The following REELD1 variants were observed in gnomAD, a reference collection of about 807,000 sequenced individuals.
REELD1 encodes reelin domain-containing protein 1.
In REELD1, 12 loss-of-function variants were observed where a neutral mutation model predicts 6.3. That is an observed-to-expected ratio of 1.89 (90% CI 1.21 to 3.07). The LOEUF (loss-of-function observed/expected upper bound fraction) is 3.07, where lower values mean the gene tolerates loss of function less well. Among genes scored for constraint, REELD1 ranks in the 30% most tolerant of loss-of-function variants. The pLI is 0.00. For synonymous variants in REELD1, 57 were observed against 33.6 expected, an observed-to-expected ratio of 1.70 and a Z score of -2.42; for missense variants, 163 against 86.8, an observed-to-expected ratio of 1.88 and a Z score of -3.49.
rs1323101999 is a variant in REELD1, at chr4:146,217,153, G to A, written c.201G>A (p.Lys67=). ...THRTSYAPGD[K]IPVTVRSSRD... is the part of the protein sequence containing the mutation. ...GGACTTCCTATGCACCAGGTGACAA[G>A]ATTCCAGGTATGTACCAGAGAGGCT... Residue 67 remains lysine, a synonymous_variant, in exon 3 of 8, where the codon AAG becomes AAA. Transcript: ENST00000623665. 2 of 399,516 alleles carry A rather than the reference G, an allele frequency of 5.0e-6. No individual in the cohort carries two copies. The highest frequency in any genetic ancestry group is 8.8e-6 in the Non-Finnish European group (2 of 226,642). 24.7% of individuals were successfully genotyped at this position (399,516 alleles called of 1,614,324 possible).
chr4:146,219,958 T>G (rs779123435), intron 3 of REELD1, among the ~76,000 whole-genome samples: 5 of 152,198 alleles, frequency 3.3e-5, no homozygotes, highest in Non-Finnish European at 5.9e-5. Context: ...TTGTTTGTTT[T>G]TTTAAGACAG....
In REELD1 at chr4:146,223,506, G is replaced by A. The variant is rs138105874; in HGVS notation, c.431+927G>A. On this transcript the variant is annotated intron_variant, in intron 4 of 7. Coordinates refer to ENST00000623665, the MANE Select transcript of REELD1 (RefSeq NM_001354631.1). ...CCCTTGGCTTTGGTTCTTACGCAGC[G>A]CAGAGGGTGTCTGCTTCTTGAAGTC... Among the ~76,000 whole-genome samples, 311 of 152,350 alleles carry A rather than the reference G, an allele frequency of 2.0e-3. 2 individuals are homozygous for A. The highest frequency in any genetic ancestry group is 6.6e-3 in the African/African-American group (275 of 41,574).
intron 5 of REELD1, among the ~76,000 whole-genome samples, chr4:146,227,803 A>C (rs1204875212): frequency 6.6e-6 from 1 of 152,166 alleles, no homozygotes; most frequent in African/African-American, 2.4e-5. Flanking sequence ...AGAGAAAGAA[A>C]CTTTGAGTGT....
rs184579827 is a variant in REELD1, at chr4:146,231,022, G to A, written c.*509G>A. 6.6e-6 allele frequency: 1 copy of A among 152,358 alleles called. No homozygotes were observed. Among genetic ancestry groups the A allele is most frequent in the African/African-American group, 2.4e-5 (1 of 41,584 alleles). 9.4% of individuals were successfully genotyped at this position (152,358 alleles called of 1,614,324 possible). On this transcript the variant is annotated 3_prime_UTR_variant, in exon 8 of 8. Transcript: ENST00000623665. ...TTTTCAAAACTGAATTCAACAACTTGCTAGAGTTCTGATTTGGATGACTAG... is the reference window on the plus strand; with the variant it reads ...TTTTCAAAACTGAATTCAACAACTTACTAGAGTTCTGATTTGGATGACTAG...
rs1228167376 is a variant in REELD1 at position 146,231,588 on chromosome 4, A to G, written c.*1075A>G. Among the ~76,000 whole-genome samples the G allele has an allele frequency of 1.3e-5, 2 of 152,208 alleles. No homozygotes were observed. The highest frequency in any genetic ancestry group is 4.8e-5 in the African/African-American group (2 of 41,446). On this transcript the variant is annotated 3_prime_UTR_variant, in exon 8 of 8. Coordinates refer to ENST00000623665, the MANE Select transcript of REELD1 (RefSeq NM_001354631.1). ...GAGTGAAACCTATTATAGAGTCATC[A>G]TTTTAATGCAGAAACAAAAATCACT...
At chr4:146,229,791 G>C (rs1161445081) in intron 7 of REELD1, 114 bp from the exon 8 acceptor site, 1 of 397,238 alleles carries the variant, frequency 2.5e-6, no homozygotes, top group Non-Finnish European at 4.4e-6. Flanking sequence ...AAAGAGACTG[G>C]GTTTTTAGCT....
At chr4:146,225,936 C>T (rs1731014038) in intron 5 of REELD1, among the ~76,000 whole-genome samples, 1 of 152,018 alleles carries the variant, frequency 6.6e-6, no homozygotes, top group Non-Finnish European at 1.5e-5. Context: ...CTAGTGATTC[C>T]CAAAGGAAAA....
At chr4:146,226,486 A>T (rs1411890418) in intron 5 of REELD1, among the ~76,000 whole-genome samples, 1 of 152,206 alleles carries the variant, frequency 6.6e-6, no homozygotes, top group African/African-American at 2.4e-5. Context: ...TGAAGGCACC[A>T]TCAGAATAAG....
chr4:146,219,193 A>G (rs945515822), intron 3 of REELD1, among the ~76,000 whole-genome samples: 9 of 152,142 alleles, frequency 5.9e-5, no homozygotes, highest in African/African-American at 1.9e-4. Flanking sequence ...AAAAACCACT[A>G]TGTCAGTGAG....
chr4:146,224,569 C>T lies in REELD1; in HGVS notation c.556C>T (p.Leu186Phe), dbSNP rs557752477. Reference protein sequence around the residue: ...RMEPRLLMPNLHQRLGDVEGA... With the variant: ...RMEPRLLMPNFHQRLGDVEGA... ...GGAGCCCAGATTGCTGATGCCAAAC[C>T]TTCACCAGAGGCTGGGCGATGTTGA... is the stretch of plus-strand genomic sequence containing the variant. The change falls in exon 5 of 8, where the codon CTT becomes TTT. Residue 186 changes from leucine to phenylalanine, a missense_variant. Leu to Phe is a conservative substitution (Grantham distance 22). Transcript: ENST00000623665. The T allele has an allele frequency of 5.3e-4, 370 of 702,258 alleles. 6 individuals carry two copies. In the Admixed American group the frequency reaches 7.3e-3, roughly 14 times the overall value. 43.5% of individuals were successfully genotyped at this position (702,258 alleles called of 1,614,324 possible).
intron 5 of REELD1, among the ~76,000 whole-genome samples, chr4:146,227,916 T>C (rs1040542721): frequency 6.6e-5 from 10 of 152,236 alleles, no homozygotes; most frequent in Admixed American, 3.3e-4. Flanking sequence ...GTGAAATAAA[T>C]ATGGTGGTCA....
At chr4:146,220,263 A>G (rs1730900081) in intron 3 of REELD1, among the ~76,000 whole-genome samples, 1 of 152,166 alleles carries the variant, frequency 6.6e-6, no homozygotes, top group Non-Finnish European at 1.5e-5. Flanking sequence ...GCTTGTTTTT[A>G]ATGATTTCAT....
chr4:146,224,162 T>C (rs1010094821), intron 4 of REELD1, among the ~76,000 whole-genome samples: 1 of 152,152 alleles, frequency 6.6e-6, no homozygotes, highest in Non-Finnish European at 1.5e-5. Context: ...AGATACTTTT[T>C]AGTTAAAATG....
rs555123041 is a variant in REELD1, at chr4:146,218,290, A to G, written c.208+1130A>G. Among the ~76,000 whole-genome samples, 8 of 152,106 alleles carry G rather than the reference A, an allele frequency of 5.3e-5. No individual in the cohort carries two copies. The South Asian group carries it at 1.7e-3, about 32-fold the overall frequency. On this transcript the variant is annotated intron_variant, in intron 3 of 7. Transcript: ENST00000623665. ...TCCATGCCCCGCCCCCACTCCCCAA[A>G]CTCACACACACTCTTCAGAGTCCAC...
chr4:146,223,143 T>A (rs1730954800), intron 4 of REELD1, among the ~76,000 whole-genome samples: 1 of 152,248 alleles, frequency 6.6e-6, no homozygotes, highest in Non-Finnish European at 1.5e-5. Context: ...GTTTTGTCAT[T>A]CTTTTCAGAC....
At chr4:146,215,832 C>T (rs543586640) in intron 2 of REELD1, among the ~76,000 whole-genome samples, 2 of 151,382 alleles carry the variant, frequency 1.3e-5, no homozygotes, top group South Asian at 2.1e-4. Flanking sequence ...CTCACTGCAA[C>T]CTTGGTCTCC....
intron 3 of REELD1, among the ~76,000 whole-genome samples, chr4:146,219,257 C>A (rs1292696847): frequency 6.6e-6 from 1 of 152,116 alleles, no homozygotes; most frequent in Non-Finnish European, 1.5e-5. Context: ...CTGAAGGTAT[C>A]CTGAGGGAAA....
chr4:146,231,058 G>A lies in REELD1; in HGVS notation c.*545G>A, dbSNP rs1014183496. Among the ~76,000 whole-genome samples the A allele has an allele frequency of 3.9e-5, 6 of 152,220 alleles. No individual in the cohort carries two copies. Among genetic ancestry groups the A allele is most frequent in the Non-Finnish European group, 8.8e-5 (6 of 68,040 alleles). On this transcript the variant is annotated 3_prime_UTR_variant, in exon 8 of 8. Coordinates refer to ENST00000623665, the MANE Select transcript of REELD1 (RefSeq NM_001354631.1). ...GATTTGGATGACTAGGTGAATGCAA[G>A]GGTATTTGGTCTTCTGGGCAACTCA...
chr4:146,219,715 C>T (rs1473415107), intron 3 of REELD1, among the ~76,000 whole-genome samples: 2 of 152,010 alleles, frequency 1.3e-5, no homozygotes, highest in African/African-American at 4.8e-5. Context: ...AAGTACTTTT[C>T]CTTCTCTGGC....
Sources: allele counts gnomAD v4.1 joint callset (sites outside exome capture counted in the v4.1 genomes callset), GRCh38; gene constraint gnomAD v4.1.1; transcripts MANE v1.5; gene names NCBI Gene and HGNC (gene_info 2026-07-23, HGNC 2026-07-21).